The following EYA1 variants were observed in gnomAD, a reference collection of about 807,000 sequenced individuals.
EYA1 encodes the protein protein phosphatase EYA1.
A neutral mutation model predicts 82.0 loss-of-function variants in EYA1; 16 were observed. The observed-to-expected ratio is 0.20, with a 90% CI of 0.13 to 0.30. The LOEUF is 0.30. Among genes scored for constraint, EYA1 ranks in the 10% least tolerant of loss-of-function variants. The pLI is 1.00. For missense variants in EYA1, 633 were observed against 730.7 expected, an observed-to-expected ratio of 0.87 and a Z score of 1.54; for synonymous variants, 261 against 264.4, an observed-to-expected ratio of 0.99 and a Z score of 0.12.
At chr8:71,532,961 C>T (rs902156113) in intron 2 of EYA1, among the ~76,000 whole-genome samples, 2 of 152,198 alleles carry the variant, frequency 1.3e-5, no homozygotes, top group Admixed American at 6.5e-5. Flanking sequence ...GAATAACCTA[C>T]GGACATGTGC....
chr8:71,323,160 T>A (rs1822774379), intron 4 of EYA1, among the ~76,000 whole-genome samples: 1 of 152,192 alleles, frequency 6.6e-6, no homozygotes, highest in Non-Finnish European at 1.5e-5. Context: ...TCTACATATA[T>A]GTGTGTATAT....
intron 16 of EYA1, among the ~76,000 whole-genome samples, chr8:71,213,072 GA>G (rs34202983): frequency 1.0e-3 from 148 of 147,448 alleles, no homozygotes; most frequent in East Asian, 7.5e-3. Flanking sequence ...CATGTCAAAA[GA>G]AAAAAAAAAT....
chr8:71,295,565 C>A (rs895161336), intron 9 of EYA1, among the ~76,000 whole-genome samples: 4 of 152,136 alleles, frequency 2.6e-5, no homozygotes, highest in Admixed American at 6.5e-5. Flanking sequence ...ACTGACAACA[C>A]CAAATTCTGG....
chr8:71,331,048 G>A (rs1823785580), intron 4 of EYA1, among the ~76,000 whole-genome samples: 2 of 151,986 alleles, frequency 1.3e-5, no homozygotes, highest in South Asian at 2.1e-4. Context: ...GGCCAACATG[G>A]TGAAACCCCA....
intron 2 of EYA1, among the ~76,000 whole-genome samples, chr8:71,395,010 C>T (rs1234854768): frequency 6.6e-6 from 1 of 152,120 alleles, no homozygotes; most frequent in Non-Finnish European, 1.5e-5. Flanking sequence ...TCCTTCACAT[C>T]CCTTGTAAGG....
rs375493265 is a variant in EYA1 at position 71,443,488 on chromosome 8, C to T, written c.34-86977G>A. On this transcript the variant is annotated intron_variant, in intron 2 of 18. Coordinates refer to the EYA1 transcript ENST00000643681. ...TAGAGACAGGGTTTCGCTATGTTGG[C>T]CAGGATGGTCTTGAACCCCTGGCTT... Among the ~76,000 whole-genome samples the T allele has an allele frequency of 3.9e-5, 6 of 152,250 alleles. No individual in the cohort carries two copies. In the East Asian group the frequency reaches 9.7e-4, roughly 24 times the overall value.
chr8:71,369,032 C>CGAA (rs767396845), intron 2 of EYA1, among the ~76,000 whole-genome samples: 1 of 112,850 alleles, frequency 8.9e-6, no homozygotes. Flanking sequence ...ACTAAAAATA[C>CGAA]AAAAAAAAAA....
At chr8:71,374,275 TAAC>T (rs1028308368) in intron 2 of EYA1, among the ~76,000 whole-genome samples, 18 of 152,120 alleles carry the variant, frequency 1.2e-4, no homozygotes, top group African/African-American at 4.3e-4. Context: ...GGAGTTCACA[TAAC>T]TCAATAGGAA....
intron 2 of EYA1, among the ~76,000 whole-genome samples, chr8:71,378,982 C>G (rs1828538437): frequency 6.6e-6 from 1 of 152,128 alleles, no homozygotes; most frequent in Admixed American, 6.6e-5. Context: ...ATGTGTTTAT[C>G]AAAGCACAAG....
At chr8:71,288,239 TTAAAG>T (rs1818606011) in intron 9 of EYA1, among the ~76,000 whole-genome samples, 1 of 152,216 alleles carries the variant, frequency 6.6e-6, no homozygotes, top group Non-Finnish European at 1.5e-5. Context: ...CAGAAAAGAC[TTAAAG>T]TAGAGAAACT....
intron 1 of EYA1, among the ~76,000 whole-genome samples, chr8:71,547,205 T>C (rs994689935): frequency 5.9e-5 from 9 of 152,202 alleles, no homozygotes; most frequent in African/African-American, 2.2e-4. Flanking sequence ...CAGAAAGCGC[T>C]AAAACTAAGT....
chr8:71,343,505 A>AGAAGAG (rs1174055378), intron 3 of EYA1, among the ~76,000 whole-genome samples: 1 of 152,164 alleles, frequency 6.6e-6, no homozygotes, highest in Non-Finnish European at 1.5e-5. Flanking sequence ...CGGCTTTATG[A>AGAAGAG]GAAGAGGAAG....
At chr8:71,539,874 T>C (rs1319498520) in intron 1 of EYA1, among the ~76,000 whole-genome samples, 1 of 152,228 alleles carries the variant, frequency 6.6e-6, no homozygotes, top group African/African-American at 2.4e-5. Context: ...ATTTAGGTAC[T>C]GATCTAACAG....
intron 2 of EYA1, chr8:71,403,548 C>T (rs980573560): frequency 1.4e-4 from 21 of 151,928 alleles, no homozygotes; most frequent in Non-Finnish European, 2.5e-4. Context: ...ATAAAAAAGG[C>T]GAGTATATAA....
At chr8:71,389,615 ATCTT>A (rs1829157947) in intron 2 of EYA1, among the ~76,000 whole-genome samples, 2 of 152,222 alleles carry the variant, frequency 1.3e-5, no homozygotes, top group African/African-American at 4.8e-5. Flanking sequence ...ATGGAAAAAA[ATCTT>A]TCTAACAAAA....
At chr8:71,318,746 T>A (rs1822197357) in intron 6 of EYA1, among the ~76,000 whole-genome samples, 1 of 152,206 alleles carries the variant, frequency 6.6e-6, no homozygotes, top group Non-Finnish European at 1.5e-5. Flanking sequence ...TTATTTCCAT[T>A]TTAGGGGAAT....
chr8:71,348,456 C>T (rs951834764), intron 3 of EYA1, among the ~76,000 whole-genome samples: 4 of 152,188 alleles, frequency 2.6e-5, no homozygotes, highest in African/African-American at 7.2e-5. Context: ...GCCCAACCAG[C>T]GGAGAGATGC....
intron 12 of EYA1, among the ~76,000 whole-genome samples, chr8:71,237,886 G>A (rs762318503): frequency 6.6e-6 from 1 of 152,080 alleles, no homozygotes; most frequent in Non-Finnish European, 1.5e-5. Context: ...TAAACTAAAT[G>A]CATGGGTATA....
At chr8:71,219,430 GAAAA>G (rs540264957) in intron 12 of EYA1, among the ~76,000 whole-genome samples, 1 of 150,296 alleles carries the variant, frequency 6.7e-6, no homozygotes, top group East Asian at 1.9e-4. Flanking sequence ...CTCCAGGAAT[GAAAA>G]AAAAATCATT....
Sources: gnomAD v4.1 joint callset for allele counts (sites outside exome capture counted in the v4.1 genomes callset) on GRCh38, gnomAD v4.1.1 for gene constraint, MANE v1.5 for transcripts, NCBI Gene and HGNC (gene_info 2026-07-23, HGNC 2026-07-21) for gene names.